Variants in SMARCA5 observed in about 807,000 individuals in gnomAD.
SMARCA5 encodes the protein SNF2 related chromatin remodeling ATPase 5.
Under a neutral mutation model 140.4 loss-of-function variants are expected in SMARCA5, and 18 were observed. The ratio of observed to expected loss-of-function variants is 0.13; its 90% CI spans 0.09 to 0.19. The LOEUF is 0.19. Ranked by LOEUF, SMARCA5 falls within the 10% of genes least tolerant of loss-of-function variation. SMARCA5 has a pLI of 1.00. For synonymous variants in SMARCA5, 449 were observed against 419.6 expected (o/e 1.07, Z -0.86); for missense variants, 606 against 1,276.8 (o/e 0.47, Z 8.01).
intron 2 of SMARCA5, among the ~76,000 whole-genome samples, chr4:143,519,327 C>A (rs999547053): frequency 2.6e-5 from 4 of 152,158 alleles, no homozygotes; most frequent in South Asian, 2.1e-4. Flanking sequence ...AGTTTACTTA[C>A]GAGTTTATTC....
intron 1 of SMARCA5, chr4:143,514,713 A>G (rs952199490): frequency 1.3e-5 from 2 of 152,462 alleles, no homozygotes; most frequent in African/African-American, 2.4e-5. Flanking sequence ...CCCAGGCACT[A>G]TTCCACTGGA....
rs1737707487 is a variant in SMARCA5, at chr4:143,554,416, A to T, written c.*1232A>T. 1 of 152,022 alleles carries T rather than the reference A, an allele frequency of 6.6e-6. No homozygotes were observed. Among genetic ancestry groups the T allele is most frequent in the Non-Finnish European group, 1.5e-5 (1 of 67,978 alleles). 9.4% of individuals were successfully genotyped at this position (152,022 alleles called of 1,614,324 possible). A position where few individuals can be genotyped will look rare whatever the true frequency, so the allele number is the denominator to read the frequency against. ...TTCTTTAATTGTTTTCTCAATTTTT[A>T]TTCACTTTTTCCTTTAGGACACATT... On this transcript the variant is annotated 3_prime_UTR_variant, in exon 24 of 24. Transcript: ENST00000283131.
intron 4 of SMARCA5, among the ~76,000 whole-genome samples, chr4:143,525,062 A>G (rs1241184086): frequency 7.1e-6 from 1 of 141,678 alleles, no homozygotes; most frequent in Admixed American, 7.1e-5. Context: ...TTTTTTTTTT[A>G]CTAGAAAGAA....
chr4:143,555,582 T>A lies in SMARCA5; in HGVS notation c.*2398T>A, dbSNP rs77629975. Reference sequence around the variant, plus strand: ...CTGAATAAATGTCTTTTTTTTTTTTTAACAACAAAGCATGAAAGATTGCTT... The same window carrying A: ...CTGAATAAATGTCTTTTTTTTTTTTAAACAACAAAGCATGAAAGATTGCTT... On this transcript the variant is annotated 3_prime_UTR_variant, in exon 24 of 24. Coordinates refer to ENST00000283131, the MANE Select transcript of SMARCA5 (RefSeq NM_003601.4). 9 of 306,126 alleles carry A rather than the reference T, an allele frequency of 2.9e-5. No homozygotes were observed. 19.0% of individuals were successfully genotyped at this position (306,126 alleles called of 1,614,324 possible).
At chr4:143,550,933 G>A (rs749003462) in intron 23 of SMARCA5, among the ~76,000 whole-genome samples, 14 of 151,982 alleles carry the variant, frequency 9.2e-5, no homozygotes, top group Non-Finnish European at 1.8e-4. Context: ...TCTTTTGGGT[G>A]TAAACCTAGG....
intron 1 of SMARCA5, among the ~76,000 whole-genome samples, chr4:143,517,054 G>A (rs1736856388): frequency 6.6e-6 from 1 of 152,180 alleles, no homozygotes; most frequent in African/African-American, 2.4e-5. Context: ...TACAGAAAAA[G>A]AGAAACAGAT....
intron 14 of SMARCA5, among the ~76,000 whole-genome samples, chr4:143,543,231 T>C (rs138909835): frequency 6.6e-6 from 1 of 152,220 alleles, no homozygotes; most frequent in African/African-American, 2.4e-5. Flanking sequence ...ATTTTTCATA[T>C]GCAGCTTTCA....
rs11933670 is a variant in SMARCA5 at position 143,513,742 on chromosome 4, G to C, written c.-183G>C. The stretch of plus-strand genomic sequence containing the variant: ...AGCCCCGCGGAAGAGCAGAACGTTT[G>C]GGAGTGTGCAGCTCCTGGGCCCGGC... On this transcript the variant is annotated 5_prime_UTR_variant, in exon 1 of 24. Transcript: ENST00000283131. 6.3e-6 allele frequency: 4 copies of C among 632,694 alleles called. No homozygotes were observed. In the Admixed American group the frequency reaches 9.2e-5, roughly 15 times the overall value. 39.2% of individuals were successfully genotyped at this position (632,694 alleles called of 1,614,324 possible).
intron 14 of SMARCA5, among the ~76,000 whole-genome samples, chr4:143,541,597 A>G (rs1737426695): frequency 6.6e-6 from 1 of 152,214 alleles, no homozygotes; most frequent in Admixed American, 6.5e-5. Context: ...AGATGTTAGC[A>G]TCAGAGATAA....
chr4:143,525,204 A>G (rs1215167672), intron 4 of SMARCA5, among the ~76,000 whole-genome samples: 1 of 152,158 alleles, frequency 6.6e-6, no homozygotes, highest in Admixed American at 6.5e-5. Flanking sequence ...TAACGTAAGA[A>G]CTGAGTTGTT....
intron 12 of SMARCA5, 21 bp downstream of exon 12, chr4:143,538,732 G>C: frequency 1.2e-6 from 2 of 1,613,512 alleles, no homozygotes; most frequent in Middle Eastern, 3.3e-4. Context: ...TTTGGGGAGG[G>C]AGATAAAAAA....
chr4:143,519,319 T>C (rs1736908220), intron 2 of SMARCA5, among the ~76,000 whole-genome samples: 1 of 152,138 alleles, frequency 6.6e-6, no homozygotes, highest in Admixed American at 6.5e-5. Context: ...AAACAATAAG[T>C]TTACTTACGA....
At position 143,531,080 on chromosome 4, in the gene SMARCA5, A is replaced by G. The variant is rs547848158; in HGVS notation, c.1158+554A>G. Among the ~76,000 whole-genome samples the G allele has an allele frequency of 3.3e-5, 5 of 152,332 alleles. No homozygotes were observed. The South Asian group carries it at 1.0e-3, about 32-fold the overall frequency. On this transcript the variant is annotated intron_variant, in intron 9 of 23. Transcript: ENST00000283131. Reference sequence around the variant, plus strand: ...ATCAACCTGCCTGCCTTGGCCTCCCAGAGTGTTGGGATTACAGGCATGAGC... The same window carrying G: ...ATCAACCTGCCTGCCTTGGCCTCCCGGAGTGTTGGGATTACAGGCATGAGC...
At chr4:143,529,032 T>G (rs1737129598) in intron 8 of SMARCA5, among the ~76,000 whole-genome samples, 1 of 152,182 alleles carries the variant, frequency 6.6e-6, no homozygotes, top group African/African-American at 2.4e-5. Flanking sequence ...CCTCCGGAAT[T>G]CAGGTGATTC....
Position 143,521,615 on chromosome 4 carries a change from T to G in SMARCA5, c.419+20T>G. On this transcript the variant is annotated intron_variant, in intron 3 of 23. Transcript: ENST00000283131. The stretch of plus-strand genomic sequence containing the variant: ...TGGCGAGTGAGTAATAGTTTAAACT[T>G]CATAGTTCAACCAAACTTATTTTCG... 6.3e-7 allele frequency: 1 copy of G among 1,577,468 alleles called. No individual in the cohort carries two copies. The highest frequency in any genetic ancestry group is 8.6e-7 in the Non-Finnish European group (1 of 1,160,444).
Position 143,513,769 on chromosome 4 carries a change from C to G in SMARCA5, c.-156C>G, listed in dbSNP as rs1736751693. The G allele has an allele frequency of 1.2e-6, 1 of 810,238 alleles. No individual in the cohort carries two copies. Among genetic ancestry groups the G allele is most frequent in the South Asian group, 1.7e-5 (1 of 58,382 alleles). 50.2% of individuals were successfully genotyped at this position (810,238 alleles called of 1,614,324 possible). On this transcript the variant is annotated 5_prime_UTR_variant, in exon 1 of 24. Coordinates refer to ENST00000283131, the MANE Select transcript of SMARCA5 (RefSeq NM_003601.4). ...GAGTGTGCAGCTCCTGGGCCCGGCT[C>G]AGGCCCGTCGCGGAGGCGCGGCGCA...
At chr4:143,552,400 T>G (rs561225904) in intron 23 of SMARCA5, among the ~76,000 whole-genome samples, 5 of 152,240 alleles carry the variant, frequency 3.3e-5, no homozygotes, top group Non-Finnish European at 7.4e-5. Context: ...CTCGTCTGAT[T>G]GCTGTAGCTA....
At position 143,513,856 on chromosome 4, in the gene SMARCA5, C is replaced by T. The variant is rs924542927; in HGVS notation, c.-69C>T. 4.0e-6 allele frequency: 6 copies of T among 1,497,342 alleles called. No individual in the cohort carries two copies. In the Admixed American group the frequency reaches 6.0e-5, roughly 15 times the overall value. 92.8% of individuals were successfully genotyped at this position (1,497,342 alleles called of 1,614,324 possible). On this transcript the variant is annotated 5_prime_UTR_variant, in exon 1 of 24. Transcript: ENST00000283131. ...GTTTATTGCGACGTAGCATCCAGGC[C>T]TAGGCCTCCCCGTCCATCCCCGCCG...
chr4:143,521,363 A>T (rs1736955119), intron 2 of SMARCA5, 66 bp from the exon 3 acceptor site: 2 of 1,198,756 alleles, frequency 1.7e-6, no homozygotes, highest in Non-Finnish European at 2.4e-6. Context: ...AGGCATGCTG[A>T]AACTTTGATT....
Sources: allele counts gnomAD v4.1 joint callset (sites outside exome capture counted in the v4.1 genomes callset), GRCh38; gene constraint gnomAD v4.1.1; transcripts MANE v1.5; gene names NCBI Gene and HGNC (gene_info 2026-07-23, HGNC 2026-07-21).